NIN: variants seen among roughly 807,000 people sequenced by gnomAD.
NIN encodes glycogen synthase kinase 3 beta-interacting protein.
NIN carries 137 observed loss-of-function variants against 257.6 expected under a neutral mutation model. The ratio of observed to expected loss-of-function variants is 0.53; its 90% CI spans 0.46 to 0.61. NIN has a LOEUF of 0.61. Ranked by LOEUF, NIN falls within the 20% of genes least tolerant of loss-of-function variation. NIN has a pLI of 0.00. For missense variants in NIN, 2,439 were observed against 2,501.2 expected (o/e 0.98, Z 0.53); for synonymous variants, 918 against 919.8 (o/e 1.00, Z 0.04).
chr14:50,814,816 G>A (rs1227676864), intron 3 of NIN, among the ~76,000 whole-genome samples: 1 of 152,210 alleles, frequency 6.6e-6, no homozygotes, highest in Non-Finnish European at 1.5e-5. Context: ...AACAAATGGT[G>A]CTGGGAGAAC....
intron 5 of NIN, among the ~76,000 whole-genome samples, chr14:50,780,340 T>C (rs941658598): frequency 6.6e-6 from 1 of 152,238 alleles, no homozygotes; most frequent in African/African-American, 2.4e-5. Flanking sequence ...CAGCACGTTT[T>C]CTGGGTAGCT....
chr14:50,768,014 T>C (rs1481485154), intron 12 of NIN, among the ~76,000 whole-genome samples: 1 of 151,570 alleles, frequency 6.6e-6, no homozygotes, highest in Non-Finnish European at 1.5e-5. Context: ...GATCTGTATA[T>C]ATAGTATTTT....
Position 50,723,169 on chromosome 14 carries a change from T to G in NIN, c.*294A>C. 1 of 288,694 alleles carries G rather than the reference T, an allele frequency of 3.5e-6. No homozygotes were observed. 17.9% of individuals were successfully genotyped at this position (288,694 alleles called of 1,614,324 possible). A position where few individuals can be genotyped will look rare whatever the true frequency, so the allele number is the denominator to read the frequency against. On this transcript the variant is annotated 3_prime_UTR_variant, in exon 31 of 31. Coordinates refer to ENST00000530997, the MANE Select transcript of NIN (RefSeq NM_020921.4). ...AAAAAAAAACCAAAACCACAAAAAC[T>G]CATTCAAAACTGGTATTTTTTAGGT... is the stretch of plus-strand genomic sequence containing the variant.
At chr14:50,764,084 T>G in intron 14 of NIN, 120 bp from the exon 15 acceptor site, 1 of 814,184 alleles carries the variant, frequency 1.2e-6, no homozygotes, top group Non-Finnish European at 2.0e-6. Flanking sequence ...CAAAGGACAC[T>G]ATCAAGAAAG....
At position 50,726,052 on chromosome 14, in the gene NIN, T is replaced by C; in HGVS notation, c.6093A>G (p.Gln2031=). Residue 2031 remains glutamine (Q), a synonymous_variant, in exon 30 of 31, where the codon CAA becomes CAG. Transcript: ENST00000530997. ...ETNTPQGNQE[Q]LVTVMEERMI... is the part of the protein sequence containing the mutation. Reference sequence around the variant, plus strand: ...TTCGTTCCTCCATGACAGTTACCAGTTGTTCCTGGTTTCCCTGAAGGGAAG... The same window carrying C: ...TTCGTTCCTCCATGACAGTTACCAGCTGTTCCTGGTTTCCCTGAAGGGAAG... 1 of 1,612,618 alleles carries C rather than the reference T, an allele frequency of 6.2e-7. No individual in the cohort carries two copies. Among genetic ancestry groups the C allele is most frequent in the East Asian group, 2.2e-5 (1 of 44,852 alleles).
Position 50,820,847 on chromosome 14 carries a change from G to A in NIN, c.183+1027C>T, listed in dbSNP as rs143638579. Reference sequence around the variant, plus strand: ...TTTTGCACATGAATTTCAGGATGATGGCTACTCCTGTCTGTCTCAGGTTAC... The same window carrying A: ...TTTTGCACATGAATTTCAGGATGATAGCTACTCCTGTCTGTCTCAGGTTAC... On this transcript the variant is annotated intron_variant, in intron 3 of 30. Transcript: ENST00000530997. Among the ~76,000 whole-genome samples the A allele has an allele frequency of 3.3e-5, 5 of 152,208 alleles. No individual in the cohort carries two copies. The East Asian group carries it at 9.7e-4, about 29-fold the overall frequency.
chr14:50,818,496 G>A (rs186039732), intron 3 of NIN, among the ~76,000 whole-genome samples: 107 of 152,054 alleles, frequency 7.0e-4, no homozygotes, highest in Non-Finnish European at 7.4e-4. Context: ...GGTTCCCCTC[G>A]ATTTTTGTAG....
chr14:50,727,885 C>A, intron 29 of NIN: 1 of 585,214 alleles, frequency 1.7e-6, no homozygotes, highest in Non-Finnish European at 2.9e-6. Context: ...GCAAGCAAAG[C>A]AACACAAAAT....
chr14:50,732,045 C>A (rs183520316), intron 28 of NIN, among the ~76,000 whole-genome samples: 9 of 152,094 alleles, frequency 5.9e-5, no homozygotes, highest in African/African-American at 1.9e-4. Context: ...CTTATTGAAC[C>A]GCTCATGTTG....
intron 20 of NIN, among the ~76,000 whole-genome samples, chr14:50,753,710 T>C (rs2041899578): frequency 6.6e-6 from 1 of 152,226 alleles, no homozygotes; most frequent in South Asian, 2.1e-4. Context: ...TTCCTCACAG[T>C]GCTACCACCT....
intron 21 of NIN, 87 bp from the exon 22 acceptor site, chr14:50,748,192 A>C (rs1183860456): frequency 1.3e-6 from 1 of 781,514 alleles, no homozygotes. Context: ...CATATTAAGG[A>C]AACAGTAATA....
At chr14:50,797,006 A>G (rs953663912) in intron 4 of NIN, among the ~76,000 whole-genome samples, 1 of 152,320 alleles carries the variant, frequency 6.6e-6, no homozygotes, top group African/African-American at 2.4e-5. Context: ...CCTGAACACT[A>G]TATATTCAAT....
chr14:50,784,560 C>A (rs2043264131), intron 5 of NIN, among the ~76,000 whole-genome samples: 1 of 152,114 alleles, frequency 6.6e-6, no homozygotes, highest in African/African-American at 2.4e-5. Context: ...AAAACTAGAA[C>A]AAGGGCAGAA....
At chr14:50,768,177 A>G (rs1240321871) in intron 12 of NIN, among the ~76,000 whole-genome samples, 2 of 152,116 alleles carry the variant, frequency 1.3e-5, no homozygotes, top group East Asian at 1.9e-4. Flanking sequence ...ACATTTTGCC[A>G]AAAGAATACA....
At chr14:50,806,865 G>A (rs746585662) in intron 3 of NIN, 47 bp from the exon 4 acceptor site, 2 of 941,346 alleles carry the variant, frequency 2.1e-6, no homozygotes, top group Admixed American at 4.1e-5. Context: ...ACAGCTCTAA[G>A]AATGCAAACC....
At chr14:50,782,674 G>A (rs552930740) in intron 5 of NIN, among the ~76,000 whole-genome samples, 178 of 152,246 alleles carry the variant, frequency 1.2e-3, no homozygotes, top group Non-Finnish European at 2.1e-3. Context: ...AACAGAAATA[G>A]GTACAACTCT....
At position 50,776,982 on chromosome 14, in the gene NIN, AC is replaced by A; in HGVS notation, c.632del (p.Cys211LeufsTer27). On this transcript the variant is annotated frameshift_variant, in exon 7 of 31. Transcript: ENST00000530997. LOFTEE classifies it high-confidence loss of function. ...HLNRKKLVSI[C>X]EQYGLQNVDG... ...CCACATTCTGTAAACCATACTGCTC[AC>A]AGATGGAGACCAGCTTCTTCCGGTT... 6.2e-7 allele frequency: 1 copy of A among 1,614,028 alleles called. No homozygotes were observed. Among genetic ancestry groups the A allele is most frequent in the Non-Finnish European group, 8.5e-7 (1 of 1,179,944 alleles).
At chr14:50,741,497 T>C (rs1055196879) in intron 25 of NIN, 85 bp downstream of exon 25, 1 of 1,026,018 alleles carries the variant, frequency 9.7e-7, no homozygotes, top group Admixed American at 2.6e-5. Flanking sequence ...TACATACATA[T>C]ACACATAAAA....
chr14:50,725,837 G>T, intron 30 of NIN, 116 bp downstream of exon 30: 1 of 1,569,188 alleles, frequency 6.4e-7, no homozygotes, highest in Non-Finnish European at 8.7e-7. Context: ...ATTTATAATA[G>T]AATTTGCCTT....
Sources: gnomAD v4.1 joint callset for allele counts (sites outside exome capture counted in the v4.1 genomes callset) on GRCh38, gnomAD v4.1.1 for gene constraint, MANE v1.5 for transcripts, NCBI Gene and HGNC (gene_info 2026-07-23, HGNC 2026-07-21) for gene names.